Variants in IFT122 observed in about 807,000 individuals in gnomAD.
IFT122 encodes the protein intraflagellar transport 122, also known as intraflagellar transport protein 122 homolog.
IFT122 carries 118 observed loss-of-function variants against 161.6 expected under a neutral mutation model. The ratio of observed to expected loss-of-function variants is 0.73; its 90% CI spans 0.63 to 0.85. IFT122 has a LOEUF of 0.85. Among genes scored for constraint, IFT122 ranks in the 40% least tolerant of loss-of-function variants. IFT122 has a pLI of 0.00. For missense variants in IFT122, 1,381 were observed against 1,579.6 expected (o/e 0.87, Z 2.13); for synonymous variants, 550 against 602.4 (o/e 0.91, Z 1.27).
At chr3:129,441,944 G>C (rs3138322) in intron 1 of IFT122, among the ~76,000 whole-genome samples, 20,199 of 152,092 alleles carry the variant, frequency 0.13, 1,716 homozygotes, top group South Asian at 0.24. Context: ...GCTCATGCTC[G>C]GCCTAAAAGG....
chr3:129,507,209 A>C (rs1018931946), intron 22 of IFT122, among the ~76,000 whole-genome samples: 4 of 152,154 alleles, frequency 2.6e-5, no homozygotes, highest in Admixed American at 2.0e-4. Flanking sequence ...AAAATTGTCA[A>C]GCCTAGGTGT....
intron 24 of IFT122, chr3:129,513,944 G>C (rs775404805): frequency 2.9e-6 from 1 of 340,674 alleles, no homozygotes; most frequent in African/African-American, 2.2e-5. Context: ...CAGACAGAGT[G>C]GGGTACACCC....
chr3:129,490,220 G>A (rs1417208824), intron 16 of IFT122, among the ~76,000 whole-genome samples: 1 of 152,172 alleles, frequency 6.6e-6, no homozygotes, highest in Admixed American at 6.5e-5. Context: ...TGTACAACAT[G>A]CTGTTTTGAA....
At chr3:129,517,206 CAG>C (rs1166399030) in intron 26 of IFT122, among the ~76,000 whole-genome samples, 6 of 145,614 alleles carry the variant, frequency 4.1e-5, no homozygotes, top group Non-Finnish European at 7.5e-5. Context: ...CACACACACA[CAG>C]ACTGCCCCTG....
At chr3:129,455,977 A>G in intron 3 of IFT122, 1 of 363,820 alleles carries the variant, frequency 2.7e-6, no homozygotes, top group Non-Finnish European at 5.6e-6. Flanking sequence ...AAGAAAATTC[A>G]CATGTAAAAG....
In IFT122 at chr3:129,516,021, G is replaced by GCA. The variant is rs906502666; in HGVS notation, c.3265+433_3265+434dup. ...ACACACGCACACACAGACTGCCCCT[G>GCA]CACACACACACATACAGAAACTGCC... On this transcript the variant is annotated intron_variant, in intron 26 of 29. Coordinates refer to ENST00000348417, the MANE Select transcript of IFT122 (RefSeq NM_052989.3). Among the ~76,000 whole-genome samples the GCA allele has an allele frequency of 3.3e-5, 5 of 149,532 alleles. No individual in the cohort carries two copies. The South Asian group carries it at 8.6e-4, about 26-fold the overall frequency.
At position 129,476,308 on chromosome 3, in the gene IFT122, T is replaced by C. The variant is rs2077947420; in HGVS notation, c.817-7T>C. ...TTTTTCCCTTGCTGTGTGTTCTTTTTCCTCAGATTGGAAAGGATCGGGCAC... is the reference window on the plus strand; with the variant it reads ...TTTTTCCCTTGCTGTGTGTTCTTTTCCCTCAGATTGGAAAGGATCGGGCAC... On this transcript the variant is annotated splice_region_variant and splice_polypyrimidine_tract_variant and intron_variant, in intron 9 of 29. Coordinates refer to ENST00000348417, the MANE Select transcript of IFT122 (RefSeq NM_052989.3). The C allele has an allele frequency of 6.2e-7, 1 of 1,614,224 alleles. No homozygotes were observed. The highest frequency in any genetic ancestry group is 8.5e-7 in the Non-Finnish European group (1 of 1,180,040).
intron 2 of IFT122, 139 bp from the exon 3 acceptor site, chr3:129,451,775 T>G (rs2074887044): frequency 2.7e-6 from 2 of 746,938 alleles, no homozygotes; most frequent in South Asian, 2.9e-5. Flanking sequence ...GTTTTTGGTT[T>G]TGCAGTGCAG....
chr3:129,514,726 C>G, intron 25 of IFT122, 172 bp downstream of exon 25: 1 of 768,686 alleles, frequency 1.3e-6, no homozygotes, highest in Non-Finnish European at 2.2e-6. Context: ...CCCTGTCCAC[C>G]TCCTGTTCTC....
intron 3 of IFT122, 55 bp from the exon 4 acceptor site, chr3:129,458,544 G>T: frequency 7.0e-7 from 1 of 1,425,386 alleles, no homozygotes; most frequent in Admixed American, 1.7e-5. Context: ...AATTCTCTCT[G>T]GGAAATGCTG....
chr3:129,483,892 G>A (rs892887295), intron 15 of IFT122: 20 of 629,104 alleles, frequency 3.2e-5, no homozygotes, highest in Non-Finnish European at 4.3e-5. Context: ...CAACCTCCCT[G>A]AGTATCAGTT....
intron 25 of IFT122, chr3:129,514,763 C>T (rs2083275208): frequency 1.5e-6 from 1 of 666,572 alleles, no homozygotes. Context: ...CGCCCGCTCA[C>T]AGCCCCCGGC....
Position 129,506,397 on chromosome 3 carries a change from C to T in IFT122, c.2651-12C>T, listed in dbSNP as rs1446208187. 1.2e-6 allele frequency: 2 copies of T among 1,613,332 alleles called. No individual in the cohort carries two copies. The highest frequency in any genetic ancestry group is 1.7e-6 in the Non-Finnish European group (2 of 1,179,964). ...AGCATGTGCTTTTTTCCTCCCTCCA[C>T]CACTCCTACAGCGTTCCACAAGGCT... On this transcript the variant is annotated splice_polypyrimidine_tract_variant and intron_variant, in intron 21 of 29. Transcript: ENST00000348417.
At chr3:129,506,795 A>C (rs1056581658) in intron 22 of IFT122, among the ~76,000 whole-genome samples, 1 of 152,222 alleles carries the variant, frequency 6.6e-6, no homozygotes. Flanking sequence ...AATTCAGAGC[A>C]TATCTCTCCC....
intron 18 of IFT122, among the ~76,000 whole-genome samples, chr3:129,497,952 T>C (rs904649560): frequency 1.3e-5 from 2 of 152,216 alleles, no homozygotes; most frequent in African/African-American, 4.8e-5. Context: ...TATATGGTGA[T>C]AAAGGGAATT....
At chr3:129,512,645 G>T (rs767733663) in intron 24 of IFT122, 13 of 579,254 alleles carry the variant, frequency 2.2e-5, no homozygotes, top group Non-Finnish European at 3.1e-5. Flanking sequence ...ACCCAGCAGT[G>T]GGTCTCTGGC....
chr3:129,496,565 C>T (rs1363342336), intron 18 of IFT122, among the ~76,000 whole-genome samples: 1 of 152,146 alleles, frequency 6.6e-6, no homozygotes, highest in Non-Finnish European at 1.5e-5. Flanking sequence ...TTCTGCTTTT[C>T]TATTCCTGAA....
At chr3:129,484,910 C>A (rs2079096662) in intron 15 of IFT122, among the ~76,000 whole-genome samples, 1 of 152,236 alleles carries the variant, frequency 6.6e-6, no homozygotes, top group Admixed American at 6.5e-5. Context: ...TCTTCCCACC[C>A]ATGTTGGCAT....
chr3:129,515,550 C>T lies in IFT122; in HGVS notation c.3216C>T (p.Asn1072=), dbSNP rs1245453590. 14 of 1,579,064 alleles carry T rather than the reference C, an allele frequency of 8.9e-6. No individual in the cohort carries two copies. The highest frequency in any genetic ancestry group is 2.2e-5 in the East Asian group (1 of 44,536). ...TNNPLLNNLG[N]VCINCRQPFI... ...ACCCGCTGCTCAACAACCTGGGCAA[C>T]GTCTGCATCAACTGCCGCCAGCCCT... The change falls in exon 26 of 30, where the codon AAC becomes AAT. Residue 1072 remains asparagine, a synonymous_variant. Coordinates refer to ENST00000348417, the MANE Select transcript of IFT122 (RefSeq NM_052989.3).
Sources: allele counts gnomAD v4.1 joint callset (sites outside exome capture counted in the v4.1 genomes callset), GRCh38; gene constraint gnomAD v4.1.1; transcripts MANE v1.5; gene names NCBI Gene and HGNC (gene_info 2026-07-23, HGNC 2026-07-21).